Variants in HSDL2 observed in about 807,000 individuals in gnomAD.
HSDL2 encodes the protein hydroxysteroid dehydrogenase like 2.
Under a neutral mutation model 46.3 loss-of-function variants are expected in HSDL2, and 27 were observed. The ratio of observed to expected loss-of-function variants is 0.58; its 90% confidence interval spans 0.43 to 0.80. The LOEUF is 0.80. Among genes scored for constraint, HSDL2 ranks in the 30% least tolerant of loss-of-function variants. HSDL2 has a pLI of 0.00. For missense variants in HSDL2, 451 were observed against 502.7 expected (o/e 0.90, Z 0.98); for synonymous variants, 153 against 163.6 (o/e 0.94, Z 0.50).
intron 4 of HSDL2, among the ~76,000 whole-genome samples, chr9:112,415,523 G>A (rs529777919): frequency 6.6e-6 from 1 of 152,182 alleles, no homozygotes; most frequent in African/African-American, 2.4e-5. Context: ...ACCCTGGTCT[G>A]TCTGACTTGA....
At chr9:112,402,315 G>A (rs1831620380) in intron 1 of HSDL2, among the ~76,000 whole-genome samples, 1 of 152,168 alleles carries the variant, frequency 6.6e-6, no homozygotes, top group Admixed American at 6.5e-5. Flanking sequence ...ATGAAATGGG[G>A]GGAGGCCAGG....
chr9:112,464,547 ATATAGC>A (rs1327951863), intron 10 of HSDL2, among the ~76,000 whole-genome samples: 2 of 152,210 alleles, frequency 1.3e-5, no homozygotes. Flanking sequence ...TTTCTGGTAT[ATATAGC>A]TATAACTAAT....
chr9:112,419,543 G>A (rs1016137570), intron 6 of HSDL2, among the ~76,000 whole-genome samples: 1 of 152,136 alleles, frequency 6.6e-6, no homozygotes, highest in Non-Finnish European at 1.5e-5. Context: ...GCCAACAGGA[G>A]AAGCTGCACT....
intron 9 of HSDL2, among the ~76,000 whole-genome samples, chr9:112,458,200 T>G (rs1224425431): frequency 6.6e-6 from 1 of 152,168 alleles, no homozygotes; most frequent in Non-Finnish European, 1.5e-5. Context: ...CTCTACCCTG[T>G]CCATCTAGCT....
At chr9:112,465,859 G>A (rs1833358830) in intron 10 of HSDL2, among the ~76,000 whole-genome samples, 1 of 152,106 alleles carries the variant, frequency 6.6e-6, no homozygotes, top group Non-Finnish European at 1.5e-5. Context: ...TCATATACAA[G>A]TTTCTATGTG....
intron 6 of HSDL2, among the ~76,000 whole-genome samples, chr9:112,428,084 C>T (rs1698374914): frequency 2.0e-5 from 3 of 152,128 alleles, no homozygotes; most frequent in Admixed American, 1.3e-4. Flanking sequence ...AGGGAGTTCC[C>T]CGGCTCCAAG....
At chr9:112,469,727 C>T (rs1217425872) in intron 10 of HSDL2, 2 of 149,722 alleles carry the variant, frequency 1.3e-5, no homozygotes, top group African/African-American at 4.9e-5. Flanking sequence ...ACATACCTGG[C>T]TTTAAATTGC....
At chr9:112,381,116 CAT>C (rs1491183873) in intron 1 of HSDL2, among the ~76,000 whole-genome samples, 1 of 151,714 alleles carries the variant, frequency 6.6e-6, no homozygotes, top group African/African-American at 2.4e-5. Flanking sequence ...CACACACACA[CAT>C]ACCCTTTCTT....
At chr9:112,443,766 T>C (rs1014017950) in intron 8 of HSDL2, among the ~76,000 whole-genome samples, 2 of 152,220 alleles carry the variant, frequency 1.3e-5, no homozygotes, top group African/African-American at 4.8e-5. Flanking sequence ...TTTCCCCTGA[T>C]AATCCAGTTT....
At chr9:112,403,758 A>G (rs1831659717) in intron 1 of HSDL2, among the ~76,000 whole-genome samples, 1 of 152,148 alleles carries the variant, frequency 6.6e-6, no homozygotes, top group Admixed American at 6.5e-5. Flanking sequence ...ATTTGAACAG[A>G]TTTTGTTTGC....
At chr9:112,394,947 T>C (rs2132606424) in intron 1 of HSDL2, among the ~76,000 whole-genome samples, 1 of 152,278 alleles carries the variant, frequency 6.6e-6, no homozygotes, top group Non-Finnish European at 1.5e-5. Flanking sequence ...AAAAGGCACA[T>C]AAGCCCAATA....
At chr9:112,397,650 A>G (rs746869649) in intron 1 of HSDL2, among the ~76,000 whole-genome samples, 1 of 152,100 alleles carries the variant, frequency 6.6e-6, no homozygotes, top group East Asian at 1.9e-4. Flanking sequence ...AGCCTGAGTA[A>G]TTGGAATGCC....
chr9:112,428,807 C>G (rs1435336039), intron 6 of HSDL2, among the ~76,000 whole-genome samples: 1 of 152,174 alleles, frequency 6.6e-6, no homozygotes, highest in Non-Finnish European at 1.5e-5. Flanking sequence ...AAAGTTGATA[C>G]AGAGAGTTAG....
chr9:112,402,969 A>G (rs533412885), intron 1 of HSDL2, among the ~76,000 whole-genome samples: 1 of 152,118 alleles, frequency 6.6e-6, no homozygotes, highest in Non-Finnish European at 1.5e-5. Context: ...ACACACACAC[A>G]CACAAAACAC....
intron 4 of HSDL2, among the ~76,000 whole-genome samples, chr9:112,415,483 A>G (rs1831970400): frequency 6.6e-6 from 1 of 152,208 alleles, no homozygotes; most frequent in African/African-American, 2.4e-5. Context: ...TCCCAGGGTC[A>G]CACAATGAAG....
At chr9:112,425,705 A>C (rs1288226335) in intron 6 of HSDL2, among the ~76,000 whole-genome samples, 2 of 152,128 alleles carry the variant, frequency 1.3e-5, no homozygotes, top group African/African-American at 2.4e-5. Flanking sequence ...AATATAGTTC[A>C]TGTAAAGAAA....
Position 112,399,192 on chromosome 9 carries a change from C to T in HSDL2, c.18-4803C>T, listed in dbSNP as rs192537047. On this transcript the variant is annotated intron_variant, in intron 1 of 10. Transcript: ENST00000398805. ...AGACAGTACAAAGAGAGGAATTTTA[C>T]AGCTGGGCTGCCGGGGGTGACATCA... Among the ~76,000 whole-genome samples, 512 of 152,306 alleles carry T rather than the reference C, an allele frequency of 3.4e-3. 2 individuals carry two copies. The highest frequency in any genetic ancestry group is 9.5e-3 in the Admixed American group (145 of 15,296).
At chr9:112,455,943 G>A (rs1166100685) in intron 9 of HSDL2, among the ~76,000 whole-genome samples, 1 of 152,156 alleles carries the variant, frequency 6.6e-6, no homozygotes, top group Admixed American at 6.6e-5. Flanking sequence ...TCTATACCAA[G>A]TACCTGGGAT....
intron 1 of HSDL2, among the ~76,000 whole-genome samples, chr9:112,383,846 C>G (rs1045648908): frequency 6.6e-6 from 1 of 152,138 alleles, no homozygotes. Context: ...GGACTATAGA[C>G]ATGCGCCATA....
Sources: gnomAD v4.1 joint callset for allele counts (sites outside exome capture counted in the v4.1 genomes callset) on GRCh38, gnomAD v4.1.1 for gene constraint, MANE v1.5 for transcripts, NCBI Gene and HGNC (gene_info 2026-07-23, HGNC 2026-07-21) for gene names.